The following TSNARE1 variants were observed in gnomAD, a reference collection of about 807,000 sequenced individuals.
TSNARE1 encodes the protein t-SNARE domain containing 1.
A neutral mutation model predicts 62.0 loss-of-function variants in TSNARE1; 49 were observed. The ratio of observed to expected loss-of-function variants is 0.79; its 90% CI spans 0.63 to 1.00. The LOEUF (loss-of-function observed/expected upper bound fraction) is 1.00. Among genes scored for constraint, TSNARE1 ranks in the 50% least tolerant of loss-of-function variants. TSNARE1 has a pLI of 0.00. For synonymous variants in TSNARE1, 328 were observed against 294.4 expected (o/e 1.11, Z -1.17); for missense variants, 755 against 700.1 (o/e 1.08, Z -0.88).
chr8:142,360,450 G>T (rs1044933959), intron 1 of TSNARE1, among the ~76,000 whole-genome samples: 11 of 152,178 alleles, frequency 7.2e-5, no homozygotes, highest in Non-Finnish European at 1.0e-4. Flanking sequence ...GGCAGAGGCT[G>T]CCAGGCTGTT....
At chr8:142,335,294 C>T (rs13257459) in intron 4 of TSNARE1, among the ~76,000 whole-genome samples, 20,467 of 151,862 alleles carry the variant, frequency 0.13, 1,474 homozygotes, top group East Asian at 0.22. Context: ...ATAAATGACC[C>T]GTGGTCCTGA....
chr8:142,345,849 G>A lies in TSNARE1; in HGVS notation c.132C>T (p.Pro44=), dbSNP rs1254085456. 5 of 1,613,932 alleles carry A rather than the reference G, an allele frequency of 3.1e-6. No individual in the cohort carries two copies. The African/African-American group carries it at 4.0e-5, about 13-fold the overall frequency. Residue 44 remains proline (P), a synonymous_variant, in exon 3 of 14, where the codon CCC becomes CCT. Coordinates refer to ENST00000524325, the MANE Select transcript of TSNARE1 (RefSeq NM_145003.5). ...CWTEYGIRHF[P]CPSPESKLQN... is the part of the protein sequence containing the mutation. ...GCAGCTTGCTCTCTGGCGACGGGCA[G>A]GGGAAATGGCGGATTCCATACTCGG...
intron 9 of TSNARE1, among the ~76,000 whole-genome samples, chr8:142,301,485 T>G (rs1209287556): frequency 1.6e-5 from 2 of 128,400 alleles, no homozygotes; most frequent in Non-Finnish European, 1.6e-5. Context: ...TGCCCCCACC[T>G]GCCCTGCCCA....
chr8:142,380,783 C>T (rs1337686279), intron 1 of TSNARE1, among the ~76,000 whole-genome samples: 1 of 152,156 alleles, frequency 6.6e-6, no homozygotes, highest in East Asian at 1.9e-4. Context: ...GGACGGCCCA[C>T]GGCGGATGCC....
chr8:142,330,285 T>TC (rs970766738), intron 6 of TSNARE1, among the ~76,000 whole-genome samples: 1 of 151,782 alleles, frequency 6.6e-6, no homozygotes, highest in Non-Finnish European at 1.5e-5. Flanking sequence ...GGTGCTCCCT[T>TC]CCCCCCGCTC....
rs116132716 is a variant in TSNARE1 at position 142,265,425 on chromosome 8, G to A, written c.1446+9356C>T. On this transcript the variant is annotated intron_variant, in intron 12 of 13. Transcript: ENST00000524325. ...AACCGTCTGAGTTGCTGGCATTTCC[G>A]AGTGGGCTCCTTTTGTTCCTGGGTA... 3.6e-3 allele frequency among the ~76,000 whole-genome samples: 547 copies of A among 152,250 alleles called. 2 individuals are homozygous for A. The highest frequency in any genetic ancestry group is 0.012 in the African/African-American group (518 of 41,522).
At chr8:142,282,431 G>A (rs1821681765) in intron 11 of TSNARE1, among the ~76,000 whole-genome samples, 1 of 150,084 alleles carries the variant, frequency 6.7e-6, no homozygotes, top group Admixed American at 6.6e-5. Flanking sequence ...TTAATGAGCG[G>A]AGCAGGGGCC....
chr8:142,300,748 A>G (rs932411122), intron 9 of TSNARE1, 104 bp from the exon 10 acceptor site: 2 of 1,163,978 alleles, frequency 1.7e-6, no homozygotes, highest in Non-Finnish European at 2.4e-6. Flanking sequence ...CACTATCCCC[A>G]TCTGCTCTCT....
chr8:142,259,822 G>C (rs1030590704), intron 12 of TSNARE1, among the ~76,000 whole-genome samples: 2 of 152,200 alleles, frequency 1.3e-5, no homozygotes, highest in African/African-American at 4.8e-5. Context: ...CAACTAAGGG[G>C]TTCTGGAAGG....
At chr8:142,246,938 C>T (rs956879837) in intron 12 of TSNARE1, among the ~76,000 whole-genome samples, 9 of 152,254 alleles carry the variant, frequency 5.9e-5, no homozygotes, top group African/African-American at 1.7e-4. Context: ...GACCACAGCA[C>T]GCCCTCAGTC....
intron 12 of TSNARE1, chr8:142,273,237 C>A: frequency 3.0e-6 from 3 of 985,446 alleles, no homozygotes; most frequent in South Asian, 9.4e-5. Flanking sequence ...CCTGCCGTCC[C>A]AGGCATCAGC....
At chr8:142,263,315 C>A (rs1818980523) in intron 12 of TSNARE1, among the ~76,000 whole-genome samples, 1 of 152,198 alleles carries the variant, frequency 6.6e-6, no homozygotes, top group African/African-American at 2.4e-5. Flanking sequence ...GGGGTGAATT[C>A]TATTTATAGG....
At chr8:142,303,957 G>A (rs540066835) in intron 9 of TSNARE1, among the ~76,000 whole-genome samples, 14 of 152,326 alleles carry the variant, frequency 9.2e-5, no homozygotes, top group African/African-American at 3.4e-4. Context: ...GCAGGGGCAC[G>A]GCCACCCTCG....
At chr8:142,293,717 C>T (rs1214930480) in intron 10 of TSNARE1, among the ~76,000 whole-genome samples, 1 of 152,214 alleles carries the variant, frequency 6.6e-6, no homozygotes, top group Non-Finnish European at 1.5e-5. Context: ...CTCTGGCCAC[C>T]TCGGATCGAG....
intron 5 of TSNARE1, 110 bp from the exon 6 acceptor site, chr8:142,331,080 A>C: frequency 1.0e-6 from 1 of 963,966 alleles, no homozygotes; most frequent in Non-Finnish European, 1.6e-6. Context: ...GAGCCCAGGG[A>C]CCAGTGCTTG....
rs568105360 is a variant in TSNARE1 at position 142,262,124 on chromosome 8, T to A, written c.1446+12657A>T. Reference sequence around the variant, plus strand: ...CCCCTTCAGGCCTGCGGCGACTCCGTGGTGGGACAGCAGTCTCTCTACCTC... The same window carrying A: ...CCCCTTCAGGCCTGCGGCGACTCCGAGGTGGGACAGCAGTCTCTCTACCTC... On this transcript the variant is annotated intron_variant, in intron 12 of 13. Transcript: ENST00000524325. 6.6e-5 allele frequency among the ~76,000 whole-genome samples: 10 copies of A among 152,340 alleles called. No individual in the cohort carries two copies. The South Asian group carries it at 2.1e-3, about 32-fold the overall frequency.
chr8:142,275,234 C>A (rs1820262569), intron 11 of TSNARE1: 2 of 985,322 alleles, frequency 2.0e-6, no homozygotes, highest in African/African-American at 3.5e-5. Context: ...TGGCCACGGC[C>A]CCCTCTGAAG....
chr8:142,348,739 G>A (rs762816137), intron 2 of TSNARE1, among the ~76,000 whole-genome samples: 1 of 151,830 alleles, frequency 6.6e-6, no homozygotes, highest in South Asian at 2.1e-4. Context: ...CTGCTGGTGC[G>A]CTGAGGAGAC....
At chr8:142,314,302 G>A (rs1413483412) in intron 9 of TSNARE1, 82 bp downstream of exon 9, 30 of 1,360,174 alleles carry the variant, frequency 2.2e-5, no homozygotes, top group Middle Eastern at 2.3e-4. Flanking sequence ...GGCCCTCCCC[G>A]CCCTTCCATG....
Sources: allele counts gnomAD v4.1 joint callset (sites outside exome capture counted in the v4.1 genomes callset), GRCh38; gene constraint gnomAD v4.1.1; transcripts MANE v1.5; gene names NCBI Gene and HGNC (gene_info 2026-07-23, HGNC 2026-07-21).